LYST: variants seen among roughly 807,000 people sequenced by gnomAD.
The protein encoded by LYST is lysosomal-trafficking regulator.
In LYST, 192 loss-of-function variants were observed where a neutral mutation model predicts 413.6. The ratio of observed to expected loss-of-function variants is 0.46; its 90% CI spans 0.41 to 0.52. LYST has a LOEUF of 0.52. Among genes scored for constraint, LYST ranks in the 20% least tolerant of loss-of-function variants. The pLI, the probability that LYST is intolerant of heterozygous loss-of-function variation, is 0.00. For synonymous variants in LYST, 1,525 were observed against 1,567.3 expected (o/e 0.97, Z 0.64); for missense variants, 3,815 against 4,499.9 (o/e 0.85, Z 4.35).
rs768870733 is a variant in LYST, at chr1:235,788,855, A to G, written c.4544-10T>C. 13 of 1,612,948 alleles carry G rather than the reference A, an allele frequency of 8.1e-6. No individual in the cohort carries two copies. In the African/African-American group the frequency reaches 1.6e-4, roughly 20 times the overall value. On this transcript the variant is annotated splice_polypyrimidine_tract_variant and intron_variant, in intron 12 of 52. Transcript: ENST00000389793. ...TCTGGTCTGTCGCTCTCTATAAGAA[A>G]AAGATGTTAGAATGATCAGTAAAAT...
In LYST at chr1:235,801,181, G is replaced by A. The variant is rs911672270; in HGVS notation, c.3713-84C>T. On this transcript the variant is annotated intron_variant, in intron 8 of 52. Coordinates refer to ENST00000389793, the MANE Select transcript of LYST (RefSeq NM_000081.4). ...TCATTAATCATTTAGAAGATCTAGT[G>A]GCAAAAATAGTAATTCAGAGGATGC... 2.4e-5 allele frequency: 21 copies of A among 887,698 alleles called. No homozygotes were observed. In the South Asian group the frequency reaches 2.5e-4, roughly 11 times the overall value. 55.0% of individuals were successfully genotyped at this position (887,698 alleles called of 1,614,324 possible). A position where few individuals can be genotyped will look rare whatever the true frequency, so the allele number is the denominator to read the frequency against.
At chr1:235,758,563 G>C (rs1017938692) in intron 23 of LYST, among the ~76,000 whole-genome samples, 2 of 152,136 alleles carry the variant, frequency 1.3e-5, no homozygotes, top group African/African-American at 4.8e-5. Flanking sequence ...ACTTGTCTCT[G>C]ATCAAGTAAG....
intron 47 of LYST, among the ~76,000 whole-genome samples, chr1:235,687,981 TG>T (rs747988932): frequency 3.3e-5 from 5 of 152,254 alleles, no homozygotes; most frequent in Non-Finnish European, 7.3e-5. Flanking sequence ...TGACTTTCTC[TG>T]ATCTTTATTC....
upstream of LYST, among the ~76,000 whole-genome samples, chr1:235,871,895 C>CTACAT (rs1680941058): frequency 6.6e-6 from 1 of 152,144 alleles, no homozygotes; most frequent in Non-Finnish European, 1.5e-5. Context: ...TTCTACATGT[C>CTACAT]GGGGAGGAAA....
At chr1:235,707,060 T>C (rs1662047263) in intron 44 of LYST, among the ~76,000 whole-genome samples, 1 of 152,194 alleles carries the variant, frequency 6.6e-6, no homozygotes, top group African/African-American at 2.4e-5. Context: ...GATATTTCCT[T>C]TTAAAAGGAA....
At chr1:235,669,672 AAACCTCCGCAGGGTATTTGTACCCAAG>A (rs1481031018) in intron 50 of LYST, among the ~76,000 whole-genome samples, 1 of 152,248 alleles carries the variant, frequency 6.6e-6, no homozygotes, top group Non-Finnish European at 1.5e-5. Flanking sequence ...GGCCAATGGG[AAACCTCCGCAGGGTATTTGTACCCAAG>A]AAGATTCTAT....
intron 3 of LYST, among the ~76,000 whole-genome samples, chr1:235,826,838 C>G (rs1344603388): frequency 6.6e-6 from 1 of 152,072 alleles, no homozygotes; most frequent in Non-Finnish European, 1.5e-5. Context: ...CACACCACCA[C>G]ACCTGGCTAA....
intron 3 of LYST, among the ~76,000 whole-genome samples, chr1:235,813,422 CA>C (rs1022689854): frequency 2.6e-5 from 4 of 152,024 alleles, no homozygotes; most frequent in African/African-American, 9.7e-5. Flanking sequence ...AGCAATGCTA[CA>C]AAGTTACTAG....
intron 34 of LYST, 123 bp from the exon 35 acceptor site, chr1:235,731,300 T>C: frequency 1.2e-6 from 1 of 842,598 alleles, no homozygotes; most frequent in Non-Finnish European, 2.0e-6. Context: ...AAACTCCAAA[T>C]GTTTATATAT....
rs201554916 is a variant in LYST, at chr1:235,806,266, A to G, written c.2870T>C (p.Met957Thr). 6.6e-5 allele frequency: 107 copies of G among 1,613,904 alleles called. 1 individual carries two copies. The Middle Eastern group carries it at 2.6e-3, about 40-fold the overall frequency. Residue 957 changes from methionine to threonine, a missense_variant, in exon 6 of 53, where the codon ATG becomes ACG. Met to Thr is a moderately conservative substitution (Grantham distance 81). This residue lies in a region of LYST where 1,648 missense variants were observed against 1,810.3 expected (regional missense o/e 0.91). Coordinates refer to ENST00000389793, the MANE Select transcript of LYST (RefSeq NM_000081.4). ...ESLVLPSPEH[M>T]HQAADIWSMC... ...AGACCAAATGTCTGCTGCTTGGTGCATATGTTCAGGAGAAGGCAAGACAAG... is the reference window on the plus strand; with the variant it reads ...AGACCAAATGTCTGCTGCTTGGTGCGTATGTTCAGGAGAAGGCAAGACAAG...
chr1:235,845,133 C>G (rs912529956), intron 1 of LYST, among the ~76,000 whole-genome samples: 5 of 152,114 alleles, frequency 3.3e-5, no homozygotes, highest in African/African-American at 1.2e-4. Context: ...CTCCTGCAGG[C>G]CCCAGGAGAC....
chr1:235,678,893 AT>A (rs1278483266), intron 48 of LYST, among the ~76,000 whole-genome samples: 3 of 152,062 alleles, frequency 2.0e-5, no homozygotes, highest in African/African-American at 4.8e-5. Flanking sequence ...ATATGGTATT[AT>A]TTTTTAGGTA....
At chr1:235,708,051 C>T (rs1377145446) in intron 44 of LYST, among the ~76,000 whole-genome samples, 1 of 151,992 alleles carries the variant, frequency 6.6e-6, no homozygotes, top group Non-Finnish European at 1.5e-5. Context: ...AATGCTCTAC[C>T]TATAGTAAGT....
At position 235,774,285 on chromosome 1, in the gene LYST, C is replaced by T. The variant is rs558314333; in HGVS notation, c.5635-294G>A. On this transcript the variant is annotated intron_variant, in intron 18 of 52. Transcript: ENST00000389793. Reference sequence around the variant, plus strand: ...ATTAATCTGCTATTAGGCTTTAAAACGTTTTCAAAAAAGTAGTAAGGATTC... The same window carrying T: ...ATTAATCTGCTATTAGGCTTTAAAATGTTTTCAAAAAAGTAGTAAGGATTC... Among the ~76,000 whole-genome samples, 4 of 152,158 alleles carry T rather than the reference C, an allele frequency of 2.6e-5. No individual in the cohort carries two copies. The South Asian group carries it at 6.2e-4, about 24-fold the overall frequency.
chr1:235,816,476 A>T (rs560990044), intron 3 of LYST, among the ~76,000 whole-genome samples: 36 of 149,030 alleles, frequency 2.4e-4, no homozygotes, highest in African/African-American at 7.3e-4. Context: ...AAAATAAAAA[A>T]AAAAAGCCAT....
Position 235,751,238 on chromosome 1 carries a change from T to C in LYST, c.7752A>G (p.Ala2584=). 1 of 1,613,840 alleles carries C rather than the reference T, an allele frequency of 6.2e-7. No homozygotes were observed. The highest frequency in any genetic ancestry group is 8.5e-7 in the Non-Finnish European group (1 of 1,179,760). Residue 2584 remains alanine (A), a synonymous_variant, in exon 28 of 53, where the codon GCA becomes GCG. Transcript: ENST00000389793. Reference sequence around the variant, plus strand: ...CAATGCTTTTCCGCTTTTGAACTACTGCATGATGGGGAGCAGAAGGTGACT... The same window carrying C: ...CAATGCTTTTCCGCTTTTGAACTACCGCATGATGGGGAGCAGAAGGTGACT... The part of the protein sequence containing the change: ...SLQSPSAPHH[A]VVQKRKSIAG...
Position 235,755,519 on chromosome 1 carries a change from G to A in LYST, c.7188C>T (p.Phe2396=). The A allele has an allele frequency of 1.9e-6, 3 of 1,613,930 alleles. No individual in the cohort carries two copies. The highest frequency in any genetic ancestry group is 2.2e-5 in the East Asian group (1 of 44,872). ...HRGTQELLEC[F]IEMFFGRHIG... is the part of the protein sequence containing the mutation. ...TATGTCGACCAAAGAACATTTCGAT[G>A]AAGCATTCTAACAATTCTTGAGTTC... The change falls in exon 25 of 53, where the codon TTC becomes TTT. Residue 2396 remains phenylalanine (F), a synonymous_variant. Coordinates refer to ENST00000389793, the MANE Select transcript of LYST (RefSeq NM_000081.4).
At chr1:235,855,213 T>TA (rs1435753587) in intron 1 of LYST, among the ~76,000 whole-genome samples, 1 of 152,216 alleles carries the variant, frequency 6.6e-6, no homozygotes, top group East Asian at 1.9e-4. Flanking sequence ...AACCAGATCT[T>TA]ATTTGATCAG....
At chr1:235,834,613 G>C (rs1471893289) in intron 1 of LYST, among the ~76,000 whole-genome samples, 1 of 152,132 alleles carries the variant, frequency 6.6e-6, no homozygotes, top group Non-Finnish European at 1.5e-5. Context: ...TTGCCAACCA[G>C]TTCTTGTACC....
Sources: allele counts gnomAD v4.1 joint callset (sites outside exome capture counted in the v4.1 genomes callset), GRCh38; gene constraint gnomAD v4.1.1; regional missense constraint gnomAD v4.1.1; transcripts MANE v1.5; gene names NCBI Gene and HGNC (gene_info 2026-07-23, HGNC 2026-07-21).